The following LRCH1 variants were observed in gnomAD, a reference collection of about 807,000 sequenced individuals.
LRCH1 encodes leucine rich repeats and calponin homology domain containing 1.
In LRCH1, 23 loss-of-function variants were observed where a neutral mutation model predicts 94.9. The observed-to-expected ratio is 0.24, with a 90% CI of 0.17 to 0.34. The LOEUF (loss-of-function observed/expected upper bound fraction) is 0.34. Ranked by LOEUF, LRCH1 falls within the 10% of genes least tolerant of loss-of-function variation. The pLI, the probability that LRCH1 is intolerant of heterozygous loss-of-function variation, is 1.00. For synonymous variants in LRCH1, 364 were observed against 354.9 expected, an observed-to-expected ratio of 1.03 and a Z score of -0.29; for missense variants, 790 against 945.9, an observed-to-expected ratio of 0.84 and a Z score of 2.16.
chr13:46,619,551 G>A (rs927019973), intron 1 of LRCH1, among the ~76,000 whole-genome samples: 23 of 152,214 alleles, frequency 1.5e-4, no homozygotes, highest in African/African-American at 5.3e-4. Context: ...CAGAGTGCAG[G>A]ACAGAGGCAG....
At chr13:46,732,780 T>A (rs1367120371) in intron 18 of LRCH1, among the ~76,000 whole-genome samples, 2 of 152,240 alleles carry the variant, frequency 1.3e-5, no homozygotes, top group African/African-American at 4.8e-5. Context: ...GGTCTGCTTC[T>A]GTTTGCACAA....
At chr13:46,615,802 G>A (rs905490031) in intron 1 of LRCH1, among the ~76,000 whole-genome samples, 1 of 152,164 alleles carries the variant, frequency 6.6e-6, no homozygotes, top group Admixed American at 6.5e-5. Flanking sequence ...AGTCTGTGTG[G>A]ATGGTCTTAA....
intron 1 of LRCH1, among the ~76,000 whole-genome samples, chr13:46,581,526 G>A (rs1029720378): frequency 2.6e-5 from 4 of 152,172 alleles, no homozygotes; most frequent in African/African-American, 9.7e-5. Flanking sequence ...AAGCACGTTC[G>A]ATTTATTATT....
intron 9 of LRCH1, among the ~76,000 whole-genome samples, chr13:46,698,913 T>C (rs1433543203): frequency 1.3e-5 from 2 of 152,232 alleles, no homozygotes; most frequent in Admixed American, 6.5e-5. Context: ...CTCTTCTCAC[T>C]TGCAAAACTG....
chr13:46,565,889 G>A (rs1478988911), intron 1 of LRCH1, among the ~76,000 whole-genome samples: 1 of 151,348 alleles, frequency 6.6e-6, no homozygotes, highest in Non-Finnish European at 1.5e-5. Context: ...GGAGTCTTGA[G>A]GGGACTGAGT....
chr13:46,753,026 C>T (rs970239828), exon 19 of LRCH1: 3 of 150,930 alleles, frequency 2.0e-5, no homozygotes, highest in African/African-American at 7.3e-5. Flanking sequence ...CCATTAAAAT[C>T]TTGGATTTGT....
chr13:46,739,322 C>T (rs1209813651), intron 19 of LRCH1, among the ~76,000 whole-genome samples: 1 of 152,200 alleles, frequency 6.6e-6, no homozygotes, highest in Non-Finnish European at 1.5e-5. Context: ...GCATTAGCAT[C>T]CGCACTTGCC....
intron 3 of LRCH1, among the ~76,000 whole-genome samples, chr13:46,670,660 C>G (rs568466562): frequency 6.6e-6 from 1 of 151,896 alleles, no homozygotes; most frequent in African/African-American, 2.4e-5. Context: ...CCCATCCCCC[C>G]CCAACCCTGT....
At chr13:46,619,932 T>G (rs932053324) in intron 1 of LRCH1, among the ~76,000 whole-genome samples, 4 of 152,224 alleles carry the variant, frequency 2.6e-5, no homozygotes, top group African/African-American at 9.6e-5. Flanking sequence ...TTTTACATTT[T>G]AGTTCTTTCA....
At chr13:46,661,337 A>T (rs942000765) in intron 2 of LRCH1, among the ~76,000 whole-genome samples, 1 of 152,206 alleles carries the variant, frequency 6.6e-6, no homozygotes, top group Non-Finnish European at 1.5e-5. Context: ...TTATGTTACA[A>T]GATGGTTGTG....
At chr13:46,740,868 TTACA>T (rs1422308428) in intron 19 of LRCH1, among the ~76,000 whole-genome samples, 1 of 152,184 alleles carries the variant, frequency 6.6e-6, no homozygotes, top group East Asian at 1.9e-4. Context: ...TTCTGCTTCC[TTACA>T]TGGTGACTGT....
At chr13:46,555,623 C>A (rs1310848088) in intron 1 of LRCH1, among the ~76,000 whole-genome samples, 1 of 152,160 alleles carries the variant, frequency 6.6e-6, no homozygotes, top group African/African-American at 2.4e-5. Context: ...GTTTTATGCT[C>A]AGGAAAATCT....
chr13:46,659,741 TG>T (rs1040732616), intron 2 of LRCH1, among the ~76,000 whole-genome samples: 1 of 152,164 alleles, frequency 6.6e-6, no homozygotes, highest in African/African-American at 2.4e-5. Flanking sequence ...CATTTACTTT[TG>T]TTCAATCAAT....
chr13:46,586,076 C>T (rs1055435347), intron 1 of LRCH1, among the ~76,000 whole-genome samples: 2 of 152,134 alleles, frequency 1.3e-5, no homozygotes, highest in African/African-American at 4.8e-5. Flanking sequence ...TTAAAAGCCT[C>T]GTGCATTCTT....
chr13:46,573,864 A>AT lies in LRCH1; in HGVS notation c.307+20162dup, dbSNP rs1379306188. Among the ~76,000 whole-genome samples the AT allele has an allele frequency of 1.7e-3, 104 of 59,962 alleles. 1 individual carries two copies. Among genetic ancestry groups the AT allele is most frequent in the Middle Eastern group, 7.8e-3 (1 of 128 alleles). 39.3% of individuals were successfully genotyped at this position (59,962 alleles called of 152,430 possible). On this transcript the variant is annotated intron_variant, in intron 1 of 19. Coordinates refer to ENST00000389797, the MANE Select transcript of LRCH1 (RefSeq NM_001164211.2). ...TAGTCAAATATATATATATATATAT[A>AT]TATTTTTTTTTTTTTTGAGATGGAG...
intron 16 of LRCH1, 103 bp downstream of exon 16, chr13:46,715,767 A>G (rs1872289529): frequency 4.2e-6 from 3 of 720,372 alleles, no homozygotes; most frequent in Non-Finnish European, 7.2e-6. Flanking sequence ...ATTCACCTGC[A>G]TGCTTGGTAT....
intron 13 of LRCH1, among the ~76,000 whole-genome samples, chr13:46,708,344 T>C (rs1871880610): frequency 6.8e-6 from 1 of 147,642 alleles, no homozygotes; most frequent in South Asian, 2.2e-4. Flanking sequence ...CAATCTCGGC[T>C]CACTGCAACC....
At chr13:46,565,214 A>G (rs959120563) in intron 1 of LRCH1, among the ~76,000 whole-genome samples, 13 of 152,366 alleles carry the variant, frequency 8.5e-5, no homozygotes, top group African/African-American at 2.6e-4. Context: ...CAGTGTTATA[A>G]GGCACAGAAA....
chr13:46,594,549 C>T (rs1161017760), intron 1 of LRCH1, among the ~76,000 whole-genome samples: 1 of 152,208 alleles, frequency 6.6e-6, no homozygotes, highest in Non-Finnish European at 1.5e-5. Flanking sequence ...CCTCCTTGAG[C>T]TACACAGAAT....
Sources: gnomAD v4.1 joint callset for allele counts (sites outside exome capture counted in the v4.1 genomes callset) on GRCh38, gnomAD v4.1.1 for gene constraint, MANE v1.5 for transcripts, NCBI Gene and HGNC (gene_info 2026-07-23, HGNC 2026-07-21) for gene names.